The following MICAL2 variants were observed in gnomAD, a reference collection of about 807,000 sequenced individuals.
MICAL2 encodes the protein microtubule associated monooxygenase, calponin and LIM domain containing 2.
Under a neutral mutation model 127.3 loss-of-function variants are expected in MICAL2, and 77 were observed. The ratio of observed to expected loss-of-function variants is 0.60; its 90% CI spans 0.50 to 0.73. MICAL2 has a LOEUF of 0.73. Among genes scored for constraint, MICAL2 ranks in the 30% least tolerant of loss-of-function variants. The probability of loss-of-function intolerance (pLI) is 0.00; values close to 1 mark genes in which losing one functional copy is unlikely to be tolerated. For missense variants in MICAL2, 1,351 were observed against 1,434.4 expected (o/e 0.94, Z 0.94); for synonymous variants, 570 against 551.1 (o/e 1.03, Z -0.48).
chr11:12,261,781 T>C, intron 26 of MICAL2: 1 of 985,518 alleles, frequency 1.0e-6, no homozygotes, highest in African/African-American at 1.7e-5. Context: ...CTGGCGCCTC[T>C]GTCCTTGTTG....
chr11:12,226,124 C>T, intron 13 of MICAL2, 47 bp from the exon 14 acceptor site: 1 of 1,597,132 alleles, frequency 6.3e-7, no homozygotes, highest in African/African-American at 1.3e-5. Flanking sequence ...CTCGCCACAC[C>T]TCTGCCTCCT....
intron 3 of MICAL2, among the ~76,000 whole-genome samples, chr11:12,201,334 T>C (rs1853955834): frequency 6.6e-6 from 1 of 151,988 alleles, no homozygotes; most frequent in Non-Finnish European, 1.5e-5. Context: ...GCACTGTCCC[T>C]TTGGGACCCT....
At chr11:12,327,501 G>T (rs1864368261) in intron 32 of MICAL2, among the ~76,000 whole-genome samples, 1 of 152,192 alleles carries the variant, frequency 6.6e-6, no homozygotes, top group Admixed American at 6.5e-5. Flanking sequence ...CAGGAGCATT[G>T]GTCAGCCCGC....
In MICAL2 at chr11:12,195,371, G is replaced by A. The variant is rs373111300; in HGVS notation, c.265-8879G>A. On this transcript the variant is annotated intron_variant, in intron 3 of 27. Transcript: ENST00000683283. ...ATTGATTCTGCTATTTAATTGAAAT[G>A]CACCACAAAATAAGATAAATTGACT... Among the ~76,000 whole-genome samples the A allele has an allele frequency of 1.2e-3, 179 of 152,296 alleles. 1 individual carries two copies. The highest frequency in any genetic ancestry group is 3.8e-3 in the African/African-American group (159 of 41,560).
intron 24 of MICAL2, among the ~76,000 whole-genome samples, chr11:12,269,085 C>G (rs1469799744): frequency 6.6e-6 from 1 of 152,164 alleles, no homozygotes; most frequent in South Asian, 2.1e-4. Flanking sequence ...TTCCCATCCC[C>G]AACCCACACC....
At chr11:12,289,171 G>A (rs927859179), downstream of MICAL2, among the ~76,000 whole-genome samples, 4 of 152,014 alleles carry the variant, frequency 2.6e-5, no homozygotes, top group Non-Finnish European at 5.9e-5. Flanking sequence ...TAGCACAAGC[G>A]CCTGACCCAG....
downstream of MICAL2, among the ~76,000 whole-genome samples, chr11:12,267,097 A>C (rs1292691322): frequency 6.6e-6 from 1 of 152,148 alleles, no homozygotes. Flanking sequence ...GCCTTCTTAA[A>C]GGCAACAGCC....
upstream of MICAL2, among the ~76,000 whole-genome samples, chr11:12,272,652 C>T (rs1863686018): frequency 6.6e-6 from 1 of 152,178 alleles, no homozygotes; most frequent in Non-Finnish European, 1.5e-5. Flanking sequence ...TATTTTCTTG[C>T]TCAGGAGTCT....
At chr11:12,175,868 G>C (rs7122034) in intron 3 of MICAL2, among the ~76,000 whole-genome samples, 101,117 of 151,818 alleles carry the variant, frequency 0.67, 33,741 homozygotes, top group Middle Eastern at 0.74. Context: ...CTGGAAGGAG[G>C]CAGGCTGGGG....
At chr11:12,327,554 G>A (rs1691096732) in intron 32 of MICAL2, among the ~76,000 whole-genome samples, 1 of 152,220 alleles carries the variant, frequency 6.6e-6, no homozygotes, top group South Asian at 2.1e-4. Context: ...CCTCTCCACT[G>A]GCTAACACGA....
intron 3 of MICAL2, among the ~76,000 whole-genome samples, chr11:12,190,360 C>G (rs762002342): frequency 1.3e-5 from 2 of 152,004 alleles, no homozygotes; most frequent in Non-Finnish European, 2.9e-5. Context: ...TATCCAACCC[C>G]CAGAAGATGG....
intron 2 of MICAL2, among the ~76,000 whole-genome samples, chr11:12,160,550 C>T (rs1262867585): frequency 2.0e-5 from 3 of 152,250 alleles, no homozygotes; most frequent in Admixed American, 6.5e-5. Flanking sequence ...CACTGTCCCG[C>T]TCTTTCCACA....
rs188839649 is a variant in MICAL2 at position 12,148,236 on chromosome 11, A to G, written c.-78+9776A>G. 4.8e-3 allele frequency among the ~76,000 whole-genome samples: 731 copies of G among 152,290 alleles called. 8 individuals carry two copies. The highest frequency in any genetic ancestry group is 0.02 in the Middle Eastern group (6 of 294). On this transcript the variant is annotated intron_variant, in intron 2 of 27. Transcript: ENST00000683283. ...GGGGCACAGCTTGTAGTAGGTGTTC[A>G]GTCAGCACCATGGAGCTGACTGGGC...
At position 12,313,093 on chromosome 11, in the gene MICAL2, G is replaced by C. The variant is rs554662946; in HGVS notation, c.5213-6603G>C. 4.4e-4 allele frequency among the ~76,000 whole-genome samples: 66 copies of C among 149,284 alleles called. No individual in the cohort carries two copies. The East Asian group carries it at 8.1e-3, about 18-fold the overall frequency. On this transcript the variant is annotated intron_variant, in intron 29 of 34. Coordinates refer to the MICAL2 transcript ENST00000646065. ...TGAGGCAGGAGAATGGCGTGAACCG[G>C]AGAGGCGGAGCTTGCAGTGAGCCGA... is the stretch of plus-strand genomic sequence containing the variant.
intron 30 of MICAL2, among the ~76,000 whole-genome samples, chr11:12,321,267 C>CT: frequency 6.6e-6 from 1 of 152,110 alleles, no homozygotes; most frequent in Non-Finnish European, 1.5e-5. Flanking sequence ...AAGAAGATTT[C>CT]TTTTTTCCAA....
At chr11:12,290,504 G>T (rs917543768), downstream of MICAL2, among the ~76,000 whole-genome samples, 1 of 152,076 alleles carries the variant, frequency 6.6e-6, no homozygotes. Flanking sequence ...GTGCAAGGAG[G>T]AAGGGAAGAA....
Position 12,209,448 on chromosome 11 carries a change from C to A in MICAL2, c.590-49C>A, listed in dbSNP as rs200644949. On this transcript the variant is annotated intron_variant, in intron 5 of 27. Coordinates refer to ENST00000683283, the MANE Select transcript of MICAL2 (RefSeq NM_001282663.2). Reference sequence around the variant, plus strand: ...CCACCACACGGGGGGTATAATCATTCTCTTCCCACCTCTCTCTGCCAACTC... The same window carrying A: ...CCACCACACGGGGGGTATAATCATTATCTTCCCACCTCTCTCTGCCAACTC... 30 of 1,454,724 alleles carry A rather than the reference C, an allele frequency of 2.1e-5. No homozygotes were observed. The Admixed American group carries it at 3.5e-4, about 17-fold the overall frequency. The allele number at this position is 1,454,724 out of a possible 1,614,324, so 90.1% of individuals were successfully genotyped here. A position where few individuals can be genotyped will look rare whatever the true frequency, so the allele number is the denominator to read the frequency against.
At chr11:12,258,724 C>G (rs1325125236) in intron 25 of MICAL2, among the ~76,000 whole-genome samples, 168 bp downstream of exon 25, 2 of 152,358 alleles carry the variant, frequency 1.3e-5, no homozygotes, top group Non-Finnish European at 1.5e-5. Context: ...TTGCTTCAGT[C>G]TGTTCCACAG....
chr11:12,335,956 T>C (rs1590742942), intron 32 of MICAL2, among the ~76,000 whole-genome samples: 1 of 152,222 alleles, frequency 6.6e-6, no homozygotes. Context: ...TGGTTCCATA[T>C]GAACTTTAAA....
Sources: allele counts gnomAD v4.1 joint callset (sites outside exome capture counted in the v4.1 genomes callset), GRCh38; gene constraint gnomAD v4.1.1; transcripts MANE v1.5; gene names NCBI Gene and HGNC (gene_info 2026-07-23, HGNC 2026-07-21).